Variants in TXK observed in about 807,000 individuals in gnomAD.
TXK encodes the protein TXK tyrosine kinase, also known as tyrosine-protein kinase TXK.
Under a neutral mutation model 81.0 loss-of-function variants are expected in TXK, and 60 were observed. The ratio of observed to expected loss-of-function variants is 0.74; its 90% CI spans 0.60 to 0.92. The LOEUF is 0.92. Among genes scored for constraint, TXK ranks in the 40% least tolerant of loss-of-function variants. The probability of loss-of-function intolerance (pLI) is 0.00; values close to 1 mark genes in which losing one functional copy is unlikely to be tolerated. For synonymous variants in TXK, 203 were observed against 210.7 expected (o/e 0.96, Z 0.32); for missense variants, 581 against 638.3 (o/e 0.91, Z 0.97).
chr4:48,117,723 G>A (rs1718850186), intron 1 of TXK, among the ~76,000 whole-genome samples: 1 of 152,180 alleles, frequency 6.6e-6, no homozygotes, highest in African/African-American at 2.4e-5. Flanking sequence ...ATGTATCCTG[G>A]CTATGGAAAA....
chr4:48,095,595 C>T (rs1411014157), intron 6 of TXK, among the ~76,000 whole-genome samples: 1 of 151,994 alleles, frequency 6.6e-6, no homozygotes, highest in Non-Finnish European at 1.5e-5. Flanking sequence ...ACAGACTGAC[C>T]GGATTGTACT....
chr4:48,084,589 A>C (rs1717437355), intron 10 of TXK, among the ~76,000 whole-genome samples: 1 of 152,226 alleles, frequency 6.6e-6, no homozygotes, highest in Non-Finnish European at 1.5e-5. Flanking sequence ...TTAGGTATAG[A>C]AAAACCACGG....
intron 1 of TXK, among the ~76,000 whole-genome samples, chr4:48,133,757 T>TTA (rs563844495): frequency 7.9e-5 from 12 of 152,166 alleles, no homozygotes; most frequent in African/African-American, 2.4e-4. Flanking sequence ...GTGTGTGTAT[T>TTA]TATATATATA....
chr4:48,112,192 G>A lies in TXK; in HGVS notation c.380+115C>T, dbSNP rs1479649901. 11 of 952,246 alleles carry A rather than the reference G, an allele frequency of 1.2e-5. 1 individual carries two copies. In the South Asian group the frequency reaches 1.6e-4, roughly 14 times the overall value. 59.0% of individuals were successfully genotyped at this position (952,246 alleles called of 1,614,324 possible). On this transcript the variant is annotated intron_variant, in intron 4 of 14. Coordinates refer to ENST00000264316, the MANE Select transcript of TXK (RefSeq NM_003328.3). Reference sequence around the variant, plus strand: ...CTCTCATTCTCTCACACATCCTGGGGGAGAGGGGACAGATTCCATTTCATG... The same window carrying A: ...CTCTCATTCTCTCACACATCCTGGGAGAGAGGGGACAGATTCCATTTCATG...
At chr4:48,100,481 G>A (rs956748146) in intron 6 of TXK, among the ~76,000 whole-genome samples, 11 of 152,158 alleles carry the variant, frequency 7.2e-5, no homozygotes, top group African/African-American at 2.7e-4. Flanking sequence ...TACAGGAAAT[G>A]CAAATTAAAT....
At chr4:48,095,682 T>C (rs1047987765) in intron 6 of TXK, among the ~76,000 whole-genome samples, 1 of 151,862 alleles carries the variant, frequency 6.6e-6, no homozygotes, top group Non-Finnish European at 1.5e-5. Flanking sequence ...CCAGAGTTCA[T>C]GGGAAGTAGA....
intron 1 of TXK, among the ~76,000 whole-genome samples, chr4:48,121,906 C>T (rs74505724): frequency 6.6e-6 from 1 of 152,058 alleles, no homozygotes; most frequent in East Asian, 1.9e-4. Flanking sequence ...GAACTGTACA[C>T]TCAAATATGG....
chr4:48,089,710 T>G (rs780412946), intron 9 of TXK, 40 bp downstream of exon 9: 1 of 1,548,034 alleles, frequency 6.5e-7, no homozygotes, highest in Non-Finnish European at 8.9e-7. Context: ...TCTTTACTAC[T>G]GGATTTGCTA....
intron 14 of TXK, among the ~76,000 whole-genome samples, chr4:48,070,830 C>T (rs573906192): frequency 2.0e-5 from 3 of 151,448 alleles, no homozygotes; most frequent in Non-Finnish European, 2.9e-5. Flanking sequence ...CTGGCCACCT[C>T]GGCCTCCCAA....
At chr4:48,114,888 A>C (rs1718755840) in intron 1 of TXK, among the ~76,000 whole-genome samples, 1 of 152,170 alleles carries the variant, frequency 6.6e-6, no homozygotes, top group African/African-American at 2.4e-5. Flanking sequence ...GTAATTAAAA[A>C]TTGTTCTAAA....
chr4:48,130,872 G>A (rs189504146), intron 1 of TXK, among the ~76,000 whole-genome samples: 2 of 152,270 alleles, frequency 1.3e-5, no homozygotes, highest in Non-Finnish European at 2.9e-5. Context: ...TCCAGTTATG[G>A]AGATGAGCCC....
intron 5 of TXK, 99 bp downstream of exon 5, chr4:48,110,439 T>C: frequency 1.3e-6 from 1 of 769,254 alleles, no homozygotes. Context: ...GTCAAATGTG[T>C]TACTTTTTTT....
chr4:48,134,063 T>C (rs1383472836), intron 1 of TXK, 92 bp downstream of exon 1: 4 of 1,421,794 alleles, frequency 2.8e-6, no homozygotes, highest in African/African-American at 2.9e-5. Flanking sequence ...CCAAGCTCTA[T>C]GCCTTGGAAA....
At chr4:48,092,424 G>A (rs1325062686) in intron 8 of TXK, among the ~76,000 whole-genome samples, 1 of 152,186 alleles carries the variant, frequency 6.6e-6, no homozygotes, top group Non-Finnish European at 1.5e-5. Flanking sequence ...CTGAACACAT[G>A]AGAACTAGAA....
intron 10 of TXK, among the ~76,000 whole-genome samples, chr4:48,083,044 T>C (rs1717371328): frequency 6.6e-6 from 1 of 152,254 alleles, no homozygotes; most frequent in African/African-American, 2.4e-5. Flanking sequence ...AAAGCTGTCA[T>C]ACTGGCCCCC....
At chr4:48,075,915 A>G (rs1305109980) in intron 12 of TXK, among the ~76,000 whole-genome samples, 4 of 152,136 alleles carry the variant, frequency 2.6e-5, no homozygotes, top group African/African-American at 7.2e-5. Context: ...CCACCCCAAA[A>G]AAGGATGCTC....
At chr4:48,131,361 C>G (rs547018538) in intron 1 of TXK, among the ~76,000 whole-genome samples, 5 of 151,590 alleles carry the variant, frequency 3.3e-5, no homozygotes, top group South Asian at 2.1e-4. Context: ...ACTTTGTCAC[C>G]CAGACTGGAG....
At chr4:48,080,418 T>C (rs1156363008) in intron 10 of TXK, among the ~76,000 whole-genome samples, 2 of 152,170 alleles carry the variant, frequency 1.3e-5, no homozygotes, top group Non-Finnish European at 2.9e-5. Flanking sequence ...TCCTTTTGTT[T>C]CTTCATCACT....
intron 8 of TXK, among the ~76,000 whole-genome samples, chr4:48,092,484 T>G (rs901342137): frequency 1.3e-5 from 2 of 152,128 alleles, no homozygotes; most frequent in Non-Finnish European, 2.9e-5. Context: ...TATGGAGTGT[T>G]GAAAGCAGAA....
Sources: gnomAD v4.1 joint callset for allele counts (sites outside exome capture counted in the v4.1 genomes callset) on GRCh38, gnomAD v4.1.1 for gene constraint, MANE v1.5 for transcripts, NCBI Gene and HGNC (gene_info 2026-07-23, HGNC 2026-07-21) for gene names.